CCDC33: variants seen among roughly 807,000 people sequenced by gnomAD.
CCDC33 encodes the protein coiled-coil domain containing 33, also known as coiled-coil domain-containing protein 33.
Under a neutral mutation model 91.9 loss-of-function variants are expected in CCDC33, and 94 were observed. The ratio of observed to expected loss-of-function variants is 1.02; its 90% CI spans 0.87 to 1.21. The LOEUF is 1.21. Among genes scored for constraint, CCDC33 ranks in the 50% most tolerant of loss-of-function variants. CCDC33 has a pLI of 0.00. For synonymous variants in CCDC33, 396 were observed against 374.5 expected (o/e 1.06, Z -0.66); for missense variants, 940 against 935.5 (o/e 1.00, Z -0.06).
chr15:74,314,879 C>T (rs967460877), intron 11 of CCDC33, among the ~76,000 whole-genome samples: 3 of 152,228 alleles, frequency 2.0e-5, no homozygotes, highest in African/African-American at 7.2e-5. Context: ...CAGGTGCCAA[C>T]GAGCCCCCTC....
chr15:74,325,430 A>G (rs1441834201), intron 11 of CCDC33, among the ~76,000 whole-genome samples: 1 of 152,004 alleles, frequency 6.6e-6, no homozygotes. Context: ...AGCTCAGGCT[A>G]TCACCACCTC....
At chr15:74,317,253 C>T (rs1301338632) in intron 11 of CCDC33, among the ~76,000 whole-genome samples, 4 of 151,916 alleles carry the variant, frequency 2.6e-5, no homozygotes, top group Non-Finnish European at 5.9e-5. Context: ...CCCAGCTACT[C>T]GGGAGGCTGA....
chr15:74,296,152 G>C (rs1301595160), intron 11 of CCDC33, among the ~76,000 whole-genome samples: 1 of 152,214 alleles, frequency 6.6e-6, no homozygotes, highest in Non-Finnish European at 1.5e-5. Flanking sequence ...TTCACCTTTT[G>C]AGTGGAACTC....
intron 1 of CCDC33, among the ~76,000 whole-genome samples, chr15:74,205,720 C>T (rs2142103605): frequency 6.6e-6 from 1 of 152,346 alleles, no homozygotes; most frequent in Admixed American, 6.5e-5. Context: ...AAAGGGACCC[C>T]AGCTGAGCCC....
intron 11 of CCDC33, among the ~76,000 whole-genome samples, chr15:74,313,365 G>T (rs1271042796): frequency 6.6e-6 from 1 of 151,622 alleles, no homozygotes; most frequent in Non-Finnish European, 1.5e-5. Flanking sequence ...CTTCCAGAAG[G>T]CCTCTCAGTC....
At chr15:74,232,744 C>T (rs758330831), upstream of CCDC33, among the ~76,000 whole-genome samples, 2 of 152,168 alleles carry the variant, frequency 1.3e-5, no homozygotes, top group Non-Finnish European at 2.9e-5. Flanking sequence ...CTCTGAGGGC[C>T]GAATGAGACC....
At chr15:74,324,837 C>A (rs186463095) in intron 11 of CCDC33, among the ~76,000 whole-genome samples, 7 of 150,344 alleles carry the variant, frequency 4.7e-5, no homozygotes, top group Non-Finnish European at 7.4e-5. Context: ...GCCTCCTCCA[C>A]CCAAAGACCC....
In CCDC33 at chr15:74,217,472, TG is replaced by T; in HGVS notation, c.205del (p.Asp69ThrfsTer53). 1.6e-6 allele frequency: 2 copies of T among 1,289,764 alleles called. No individual in the cohort carries two copies. Among genetic ancestry groups the T allele is most frequent in the Non-Finnish European group, 2.0e-6 (2 of 988,836 alleles). The allele number at this position is 1,289,764 out of a possible 1,614,324, so 79.9% of individuals were successfully genotyped here. On this transcript the variant is annotated frameshift_variant, in exon 1 of 3. Coordinates refer to the CCDC33 transcript ENST00000635913. LOFTEE classifies it high-confidence loss of function. ...CTGGGGTGCAGTTGCAAGTGAATGA[TG>T]GGGACCCCTTCCCTGCCTGCTCTGC...
chr15:74,280,707 G>C lies in CCDC33; in HGVS notation c.929G>C (p.Gly310Ala), dbSNP rs2059343449. 4 of 1,555,802 alleles carry C rather than the reference G, an allele frequency of 2.6e-6. No individual in the cohort carries two copies. Among genetic ancestry groups the C allele is most frequent in the Non-Finnish European group, 3.5e-6 (4 of 1,149,886 alleles). ...CCGTGGACCCTCAACCAGCCCCTGG[G>C]CATCTCTGTGTTGCCGCTAAAGAGC... ...SQPWTLNQPL[G>A]ISVLPLKSRL... The change falls in exon 9 of 19, where the codon GGC (glycine) becomes GCC (alanine). Residue 310 changes from glycine to alanine, a missense_variant. By Grantham distance (60) the Gly-to-Ala change is moderately conservative. Transcript: ENST00000398814.
chr15:74,282,222 C>T (rs2059382243), intron 10 of CCDC33, among the ~76,000 whole-genome samples: 1 of 152,222 alleles, frequency 6.6e-6, no homozygotes, highest in South Asian at 2.1e-4. Flanking sequence ...ATGTAGGTCC[C>T]ATGACACAGG....
At chr15:74,330,560 C>A in intron 12 of CCDC33, 103 bp from the exon 13 acceptor site, 2 of 1,157,690 alleles carry the variant, frequency 1.7e-6, no homozygotes, top group East Asian at 2.4e-5. Context: ...AGTCCCGTCC[C>A]AAGCCCTCGG....
rs772795560 is a variant in CCDC33, at chr15:74,280,804, G to T, written c.1023+3G>T. ...ACGTGGAGCGGCTCCCCATCATGGTGAGCCCCCTGCCCTGAACTGGGCCCC... is the reference window on the plus strand; with the variant it reads ...ACGTGGAGCGGCTCCCCATCATGGTTAGCCCCCTGCCCTGAACTGGGCCCC... On this transcript the variant is annotated splice_donor_region_variant and intron_variant, in intron 9 of 18. Transcript: ENST00000398814. 6.6e-7 allele frequency: 1 copy of T among 1,514,168 alleles called. No individual in the cohort carries two copies. The highest frequency in any genetic ancestry group is 8.8e-7 in the Non-Finnish European group (1 of 1,129,974). 93.8% of individuals were successfully genotyped at this position (1,514,168 alleles called of 1,614,324 possible).
In CCDC33 at chr15:74,278,470, C is replaced by T. The variant is rs146048582; in HGVS notation, c.760-1493C>T. Among the ~76,000 whole-genome samples, 1,382 of 152,308 alleles carry T rather than the reference C, an allele frequency of 9.1e-3. 17 individuals carry two copies. Among genetic ancestry groups the T allele is most frequent in the South Asian group, 0.039 (186 of 4,824 alleles). ...CAGCCACTTGGTGGGTCTGTAGCAA[C>T]GACCCGCAGCCCCGCCCTGTGCTGG... On this transcript the variant is annotated intron_variant, in intron 7 of 18. Transcript: ENST00000398814.
At position 74,262,532 on chromosome 15, in the gene CCDC33, C is replaced by T. The variant is rs201382754; in HGVS notation, c.278C>T (p.Thr93Met). 57 of 1,613,806 alleles carry T rather than the reference C, an allele frequency of 3.5e-5. No individual in the cohort carries two copies. In the African/African-American group the frequency reaches 5.1e-4, roughly 14 times the overall value. The change falls in exon 3 of 19, where the codon ACG becomes ATG. Residue 93 changes from threonine (T) to methionine (M), a missense_variant. Thr to Met is a moderately conservative substitution (Grantham distance 81). Coordinates refer to ENST00000398814, the MANE Select transcript of CCDC33 (RefSeq NM_025055.5). ...ACCAGAGCCCCTATCTGGGGGGACA[C>T]GGTGAATGTGGAGATCCAAGCTGAG... ...EPTRAPIWGD[T>M]VNVEIQAEDA...
At chr15:74,322,881 G>A (rs2060234422) in intron 11 of CCDC33, among the ~76,000 whole-genome samples, 1 of 152,074 alleles carries the variant, frequency 6.6e-6, no homozygotes, top group South Asian at 2.1e-4. Context: ...CAGAGGAGAG[G>A]GTGTGTGCCT....
intron 2 of CCDC33, among the ~76,000 whole-genome samples, chr15:74,255,609 G>GCC (rs1317203793): frequency 6.6e-6 from 1 of 152,272 alleles, no homozygotes; most frequent in Non-Finnish European, 1.5e-5. Context: ...CTAGGGACTA[G>GCC]CCGGGGACTG....
In CCDC33 at chr15:74,320,298, C is replaced by A. The variant is rs530763954; in HGVS notation, c.1291-9891C>A. Among the ~76,000 whole-genome samples, 3 of 152,274 alleles carry A rather than the reference C, an allele frequency of 2.0e-5. No individual in the cohort carries two copies. In the East Asian group the frequency reaches 5.8e-4, roughly 29 times the overall value. On this transcript the variant is annotated intron_variant, in intron 11 of 18. Coordinates refer to ENST00000398814, the MANE Select transcript of CCDC33 (RefSeq NM_025055.5). ...AGCCCAGCCCACATGGGCCTCCACA[C>A]CTTCCCTCAGTGTTCCCCACCTCTG...
chr15:74,272,918 C>G, intron 7 of CCDC33, 27 bp downstream of exon 7: 1 of 1,613,400 alleles, frequency 6.2e-7, no homozygotes, highest in Non-Finnish European at 8.5e-7. Flanking sequence ...GTGGTTCCAG[C>G]TTCCTGTAAC....
At chr15:74,322,652 G>A (rs544656459) in intron 11 of CCDC33, among the ~76,000 whole-genome samples, 1 of 152,318 alleles carries the variant, frequency 6.6e-6, no homozygotes, top group East Asian at 1.9e-4. Flanking sequence ...CCTGGAACTG[G>A]GGAGAGAGAC....
Sources: gnomAD v4.1 joint callset for allele counts (sites outside exome capture counted in the v4.1 genomes callset) on GRCh38, gnomAD v4.1.1 for gene constraint, MANE v1.5 for transcripts, NCBI Gene and HGNC (gene_info 2026-07-23, HGNC 2026-07-21) for gene names.